NAALADL2: variants seen among roughly 807,000 people sequenced by gnomAD.
NAALADL2 encodes N-acetylated alpha-linked acidic dipeptidase like 2.
Under a neutral mutation model 87.2 loss-of-function variants are expected in NAALADL2, and 76 were observed. The observed-to-expected ratio is 0.87, with a 90% confidence interval of 0.72 to 1.05. NAALADL2 has a LOEUF of 1.05. Ranked by LOEUF, NAALADL2 falls within the 50% of genes least tolerant of loss-of-function variation. NAALADL2 has a pLI of 0.00. For synonymous variants in NAALADL2, 354 were observed against 331.0 expected (o/e 1.07, Z -0.75); for missense variants, 1,089 against 945.8 (o/e 1.15, Z -1.99).
At chr3:175,229,684 C>T (rs1744663729) in intron 2 of NAALADL2, among the ~76,000 whole-genome samples, 1 of 151,750 alleles carries the variant, frequency 6.6e-6, no homozygotes, top group African/African-American at 2.4e-5. Context: ...ATACTATCAC[C>T]TTGGGGGTTA....
At position 175,173,216 on chromosome 3, in the gene NAALADL2, C is replaced by T. The variant is rs111531642; in HGVS notation, c.546-60715C>T. Among the ~76,000 whole-genome samples, 1,312 of 151,850 alleles carry T rather than the reference C, an allele frequency of 8.6e-3. 23 individuals carry two copies. The highest frequency in any genetic ancestry group is 0.03 in the African/African-American group (1,230 of 41,406). On this transcript the variant is annotated intron_variant, in intron 2 of 13. Transcript: ENST00000454872. ...CTAAGGCAGGAGAATGGTGTGAACCCGGGAGGCGGAGTTTGCTGTGAGCTG... is the reference window on the plus strand; with the variant it reads ...CTAAGGCAGGAGAATGGTGTGAACCTGGGAGGCGGAGTTTGCTGTGAGCTG...
chr3:175,146,275 T>C (rs2108755287), intron 2 of NAALADL2, among the ~76,000 whole-genome samples: 1 of 152,162 alleles, frequency 6.6e-6, no homozygotes, highest in Admixed American at 6.6e-5. Context: ...AGTGAGTCTC[T>C]GGTCTACCCA....
rs539698354 is a variant in NAALADL2, at chr3:174,619,044, T to C, written c.-115+68407T>C. ...AAAATTAATGCAGAGATGGTTCAAATTAACATCAACAAGTTACCTTTTTAC... is the reference window on the plus strand; with the variant it reads ...AAAATTAATGCAGAGATGGTTCAAACTAACATCAACAAGTTACCTTTTTAC... On this transcript the variant is annotated intron_variant, in intron 2 of 3. Coordinates refer to the NAALADL2 transcript ENST00000434257. 2.6e-5 allele frequency among the ~76,000 whole-genome samples: 4 copies of C among 152,044 alleles called. No individual in the cohort carries two copies. The East Asian group carries it at 7.7e-4, about 29-fold the overall frequency.
intron 5 of NAALADL2, among the ~76,000 whole-genome samples, chr3:175,418,685 A>G (rs907237156): frequency 1.3e-5 from 2 of 152,110 alleles, no homozygotes; most frequent in African/African-American, 4.8e-5. Flanking sequence ...GTATTGGTCG[A>G]TGAAATATAG....
chr3:175,246,866 T>G (rs539016390), intron 3 of NAALADL2, among the ~76,000 whole-genome samples: 6 of 152,286 alleles, frequency 3.9e-5, no homozygotes, highest in African/African-American at 1.2e-4. Context: ...AGAAAAGATA[T>G]GACTATCCTA....
At chr3:174,815,018 T>C (rs2109308749) in intron 3 of NAALADL2, among the ~76,000 whole-genome samples, 1 of 152,316 alleles carries the variant, frequency 6.6e-6, no homozygotes, top group South Asian at 2.1e-4. Context: ...ATGTTGAATG[T>C]TTTATATAAT....
At chr3:175,303,119 T>G (rs1313356700) in intron 4 of NAALADL2, among the ~76,000 whole-genome samples, 1 of 152,020 alleles carries the variant, frequency 6.6e-6, no homozygotes, top group African/African-American at 2.4e-5. Context: ...TGAAAAGACA[T>G]GAGATTTGAA....
At chr3:175,424,376 G>T (rs1029799353) in intron 5 of NAALADL2, among the ~76,000 whole-genome samples, 1 of 152,064 alleles carries the variant, frequency 6.6e-6, no homozygotes, top group Non-Finnish European at 1.5e-5. Flanking sequence ...TTCTTCTAGG[G>T]TTTTTATGGT....
intron 9 of NAALADL2, among the ~76,000 whole-genome samples, chr3:175,554,821 G>C (rs1257572750): frequency 6.6e-6 from 1 of 152,048 alleles, no homozygotes; most frequent in Non-Finnish European, 1.5e-5. Flanking sequence ...ACAGCTGTAT[G>C]AATTCTAACT....
chr3:175,739,652 C>T (rs1053726174), intron 12 of NAALADL2, among the ~76,000 whole-genome samples: 12 of 152,094 alleles, frequency 7.9e-5, no homozygotes, highest in Non-Finnish European at 1.6e-4. Context: ...ATTCATTTAA[C>T]AAATATTTAT....
At chr3:175,742,872 T>A (rs187500177) in intron 12 of NAALADL2, among the ~76,000 whole-genome samples, 87 of 152,332 alleles carry the variant, frequency 5.7e-4, no homozygotes, top group Non-Finnish European at 1.5e-5. Flanking sequence ...AGATCTCTGT[T>A]CAGATTATTC....
chr3:175,427,117 G>C (rs1166303965), intron 5 of NAALADL2, among the ~76,000 whole-genome samples: 1 of 152,154 alleles, frequency 6.6e-6, no homozygotes, highest in Non-Finnish European at 1.5e-5. Context: ...TGACCGGTTA[G>C]GTTATTTCTT....
In NAALADL2 at chr3:175,096,836, A is replaced by G; in HGVS notation, c.90A>G (p.Pro30=). 1 of 1,608,206 alleles carries G rather than the reference A, an allele frequency of 6.2e-7. No homozygotes were observed. The highest frequency in any genetic ancestry group is 8.5e-7 in the Non-Finnish European group (1 of 1,176,924). ...YQKVHADQRA[P]GHSQYLDNDD... ...AGGTCCATGCAGATCAAAGAGCTCC[A>G]GGACACTCACAGTACTTAGACAATG... is the stretch of plus-strand genomic sequence containing the variant. The change falls in exon 2 of 14, where the codon CCA becomes CCG. Residue 30 remains proline (P), a synonymous_variant. Coordinates refer to ENST00000454872, the MANE Select transcript of NAALADL2 (RefSeq NM_207015.3).
rs141977502 is a variant in NAALADL2, at chr3:175,429,739, A to G, written c.1091-17490A>G. 1.6e-3 allele frequency among the ~76,000 whole-genome samples: 246 copies of G among 152,120 alleles called. 1 individual carries two copies. Among genetic ancestry groups the G allele is most frequent in the Middle Eastern group, 6.8e-3 (2 of 294 alleles). ...CTAAGTATATTAGAATACTATTAGAATTATGGAATACTATGCAACATCCAC... is the reference window on the plus strand; with the variant it reads ...CTAAGTATATTAGAATACTATTAGAGTTATGGAATACTATGCAACATCCAC... On this transcript the variant is annotated intron_variant, in intron 5 of 13. Coordinates refer to ENST00000454872, the MANE Select transcript of NAALADL2 (RefSeq NM_207015.3).
intron 2 of NAALADL2, among the ~76,000 whole-genome samples, chr3:174,704,868 C>T (rs1366000576): frequency 6.6e-6 from 1 of 152,082 alleles, no homozygotes; most frequent in East Asian, 1.9e-4. Flanking sequence ...GTCAATTTAA[C>T]AATACACTAA....
At chr3:174,594,604 T>G (rs2108594297) in intron 2 of NAALADL2, among the ~76,000 whole-genome samples, 1 of 152,320 alleles carries the variant, frequency 6.6e-6, no homozygotes, top group African/African-American at 2.4e-5. Context: ...TGACCCAGAC[T>G]AGCTAACCAA....
chr3:174,547,739 G>A (rs1460458872), intron 1 of NAALADL2, among the ~76,000 whole-genome samples: 1 of 151,976 alleles, frequency 6.6e-6, no homozygotes, highest in African/African-American at 2.4e-5. Flanking sequence ...ATAGTTCTGA[G>A]TCAAGTGACA....
At chr3:174,617,025 T>G (rs912696153) in intron 2 of NAALADL2, among the ~76,000 whole-genome samples, 1 of 151,760 alleles carries the variant, frequency 6.6e-6, no homozygotes, top group African/African-American at 2.4e-5. Flanking sequence ...TAAAATAATA[T>G]GATTTGGAAT....
chr3:174,530,296 C>T (rs555122670), intron 1 of NAALADL2, among the ~76,000 whole-genome samples: 32 of 152,256 alleles, frequency 2.1e-4, no homozygotes, highest in African/African-American at 7.7e-4. Flanking sequence ...CCAACAAGTT[C>T]CTCTTCTCCA....
Sources: allele counts gnomAD v4.1 joint callset (sites outside exome capture counted in the v4.1 genomes callset), GRCh38; gene constraint gnomAD v4.1.1; transcripts MANE v1.5; gene names NCBI Gene and HGNC (gene_info 2026-07-23, HGNC 2026-07-21).